Variants in MIS18A observed in about 807,000 individuals in gnomAD.
MIS18A encodes the protein MIS18 kinetochore protein A.
In MIS18A, 14 loss-of-function variants were observed where a neutral mutation model predicts 25.0. The observed-to-expected ratio is 0.56, with a 90% CI of 0.37 to 0.88. MIS18A has a LOEUF of 0.88. MIS18A is among the 40% of genes least tolerant of loss of function. MIS18A has a pLI of 0.00. For synonymous variants in MIS18A, 134 were observed against 118.6 expected, an observed-to-expected ratio of 1.13 and a Z score of -0.84; for missense variants, 292 against 290.8, an observed-to-expected ratio of 1.00 and a Z score of -0.03.
At chr21:32,231,849 C>G in the MIS18A span, among the ~76,000 whole-genome samples, 22,417 of 151,966 alleles carry the variant, frequency 0.15, 1,730 homozygotes, top group Admixed American at 0.2. Context: ...GGAGGCGGAG[C>G]TTGCAGTGAG....
At chr21:32,185,447 G>A in the MIS18A span, among the ~76,000 whole-genome samples, 2 of 152,094 alleles carry the variant, frequency 1.3e-5, no homozygotes, top group Non-Finnish European at 2.9e-5. Flanking sequence ...GGAGGTCTGT[G>A]GTGCTCCCAG....
the MIS18A span, among the ~76,000 whole-genome samples, chr21:32,238,637 A>G: frequency 3.9e-5 from 6 of 152,034 alleles, no homozygotes; most frequent in Non-Finnish European, 8.8e-5. Flanking sequence ...CCCTTCCTCA[A>G]TCAACCCCCA....
intron 1 of MIS18A, 128 bp downstream of exon 1, chr21:32,278,553 C>CA (rs1185098649): frequency 2.5e-5 from 26 of 1,021,920 alleles, no homozygotes; most frequent in Non-Finnish European, 3.6e-5. Context: ...CTCACACTCT[C>CA]AGACTTTTTG....
downstream of MIS18A, among the ~76,000 whole-genome samples, chr21:32,266,328 G>A (rs1204161325): frequency 3.9e-5 from 6 of 152,130 alleles, no homozygotes; most frequent in Non-Finnish European, 7.3e-5. Flanking sequence ...CAGGCCACTC[G>A]GCTCTACCAA....
downstream of MIS18A, among the ~76,000 whole-genome samples, chr21:32,266,013 A>C (rs1357845696): frequency 1.3e-5 from 2 of 152,160 alleles, no homozygotes; most frequent in Non-Finnish European, 2.9e-5. Flanking sequence ...TGAGTGCACC[A>C]ATCAACACTC....
chr21:32,184,366 C>CA, the MIS18A span, among the ~76,000 whole-genome samples: 102 of 152,312 alleles, frequency 6.7e-4, no homozygotes, highest in East Asian at 8.1e-3. Flanking sequence ...ATAGCATGTC[C>CA]AAATGCCACC....
At chr21:32,213,098 G>A in the MIS18A span, among the ~76,000 whole-genome samples, 1 of 152,054 alleles carries the variant, frequency 6.6e-6, no homozygotes, top group African/African-American at 2.4e-5. Context: ...CTTTAAGGTG[G>A]GCAACTCAGC....
At chr21:32,218,446 C>A in the MIS18A span, among the ~76,000 whole-genome samples, 2 of 152,054 alleles carry the variant, frequency 1.3e-5, no homozygotes, top group East Asian at 1.9e-4. Context: ...AAGACAACTG[C>A]ATGAAGCAAT....
At chr21:32,276,262 C>G (rs930701008) in intron 1 of MIS18A, among the ~76,000 whole-genome samples, 7 of 151,552 alleles carry the variant, frequency 4.6e-5, no homozygotes, top group African/African-American at 1.7e-4. Flanking sequence ...AGATCGAGAC[C>G]ATCCTGGCTA....
the MIS18A span, among the ~76,000 whole-genome samples, chr21:32,250,139 C>A: frequency 6.6e-6 from 1 of 152,150 alleles, no homozygotes; most frequent in Non-Finnish European, 1.5e-5. Context: ...GTCACCAGCC[C>A]CCAACATCTG....
At chr21:32,159,255 T>C in the MIS18A span, among the ~76,000 whole-genome samples, 1 of 152,260 alleles carries the variant, frequency 6.6e-6, no homozygotes, top group African/African-American at 2.4e-5. Flanking sequence ...TTTACCTCAT[T>C]AATTTTGTAG....
chr21:32,254,297 T>C, the MIS18A span, among the ~76,000 whole-genome samples: 1 of 152,088 alleles, frequency 6.6e-6, no homozygotes, highest in Admixed American at 6.5e-5. Flanking sequence ...CCCAGCACTT[T>C]GGGAGGCAGA....
the MIS18A span, among the ~76,000 whole-genome samples, chr21:32,179,901 G>A: frequency 5.7e-4 from 86 of 150,938 alleles, 1 homozygote; most frequent in South Asian, 0.018. Context: ...ATGGAGTTAC[G>A]AATGAAATCT....
chr21:32,224,725 T>C, the MIS18A span, among the ~76,000 whole-genome samples: 2 of 133,596 alleles, frequency 1.5e-5, no homozygotes, highest in Non-Finnish European at 3.2e-5. Context: ...ACAGATTCAA[T>C]GCCATCCCCA....
At chr21:32,263,377 C>T (rs913094634), downstream of MIS18A, among the ~76,000 whole-genome samples, 1 of 152,172 alleles carries the variant, frequency 6.6e-6, no homozygotes, top group African/African-American at 2.4e-5. Context: ...GGGCGGGTCA[C>T]TTGAGGCCAG....
the MIS18A span, among the ~76,000 whole-genome samples, chr21:32,184,347 A>T: frequency 6.6e-6 from 1 of 152,246 alleles, no homozygotes; most frequent in Non-Finnish European, 1.5e-5. Context: ...ATAAAAGAGG[A>T]GGCGACAAAT....
At chr21:32,277,697 G>A (rs912238732) in intron 1 of MIS18A, among the ~76,000 whole-genome samples, 4 of 152,162 alleles carry the variant, frequency 2.6e-5, no homozygotes, top group Admixed American at 1.3e-4. Flanking sequence ...TGTTGGCAAG[G>A]ATGGTCTCAA....
the MIS18A span, among the ~76,000 whole-genome samples, chr21:32,224,637 A>AC: frequency 6.8e-6 from 1 of 146,950 alleles, no homozygotes; most frequent in Non-Finnish European, 1.5e-5. Flanking sequence ...GAGGATACAA[A>AC]CAAATGGAAG....
At chr21:32,154,834 G>C in the MIS18A span, among the ~76,000 whole-genome samples, 1 of 152,168 alleles carries the variant, frequency 6.6e-6, no homozygotes, top group African/African-American at 2.4e-5. Context: ...AATTGTTCTA[G>C]GCCAGATAGG....
Sources: gnomAD v4.1 joint callset for allele counts (sites outside exome capture counted in the v4.1 genomes callset) on GRCh38, gnomAD v4.1.1 for gene constraint, MANE v1.5 for transcripts, NCBI Gene and HGNC (gene_info 2026-07-23, HGNC 2026-07-21) for gene names.